The following CD109 variants were observed in gnomAD, a reference collection of about 807,000 sequenced individuals.
CD109 encodes CD109 antigen.
A neutral mutation model predicts 165.8 loss-of-function variants in CD109; 149 were observed. The observed-to-expected ratio is 0.90, with a 90% CI of 0.79 to 1.03. The LOEUF (loss-of-function observed/expected upper bound fraction) is 1.03. CD109 is among the 50% of genes least tolerant of loss of function. The probability of loss-of-function intolerance (pLI) is 0.00; values close to 1 mark genes in which losing one functional copy is unlikely to be tolerated. For missense variants in CD109, 1,712 were observed against 1,677.8 expected (o/e 1.02, Z -0.36); for synonymous variants, 585 against 592.1 (o/e 0.99, Z 0.18).
chr6:73,780,558 C>A, intron 16 of CD109, 60 bp downstream of exon 16: 1 of 1,055,986 alleles, frequency 9.5e-7, no homozygotes. Flanking sequence ...CAAACCCTTT[C>A]AGAATTAGTG....
intron 5 of CD109, among the ~76,000 whole-genome samples, chr6:73,744,927 T>TAGGGAGATCATAGGG (rs1772924579): frequency 6.6e-6 from 1 of 152,178 alleles, no homozygotes; most frequent in Non-Finnish European, 1.5e-5. Flanking sequence ...TAGATGATCT[T>TAGGGAGATCATAGGG]AGAGGTCGCC....
rs774079301 is a variant in CD109, at chr6:73,812,194, C to T, written c.3703-11C>T. 5 of 1,598,510 alleles carry T rather than the reference C, an allele frequency of 3.1e-6. No homozygotes were observed. The highest frequency in any genetic ancestry group is 3.4e-6 in the Non-Finnish European group (4 of 1,169,672). ...AATTAGCCTCATTCACTTTTTTTCACCTTGATTCAGCTTGCTGTGGTACAG... is the reference window on the plus strand; with the variant it reads ...AATTAGCCTCATTCACTTTTTTTCATCTTGATTCAGCTTGCTGTGGTACAG... On this transcript the variant is annotated splice_polypyrimidine_tract_variant and intron_variant, in intron 28 of 32. Coordinates refer to ENST00000287097, the MANE Select transcript of CD109 (RefSeq NM_133493.5).
chr6:73,818,545 A>C lies in CD109; in HGVS notation c.4059+10A>C, dbSNP rs1776014392. On this transcript the variant is annotated intron_variant, in intron 31 of 32. Coordinates refer to ENST00000287097, the MANE Select transcript of CD109 (RefSeq NM_133493.5). ...CCTCTATTTAGATTCTGTAAGTAGT[A>C]AAACATAAGGTAACTGTTGACAAAG... 1.9e-6 allele frequency: 3 copies of C among 1,610,456 alleles called. No homozygotes were observed. Among genetic ancestry groups the C allele is most frequent in the Admixed American group, 1.7e-5 (1 of 59,322 alleles).
chr6:73,766,904 A>G lies in CD109; in HGVS notation c.1434+44A>G, dbSNP rs200945994. The G allele has an allele frequency of 1.9e-5, 30 of 1,608,604 alleles. No individual in the cohort carries two copies. The African/African-American group carries it at 2.5e-4, about 14-fold the overall frequency. On this transcript the variant is annotated intron_variant, in intron 12 of 32. Transcript: ENST00000287097. ...TTGAGAATTACAATATAATTGGACTATCTTGCTTTTGATATGTACATATTA... is the reference window on the plus strand; with the variant it reads ...TTGAGAATTACAATATAATTGGACTGTCTTGCTTTTGATATGTACATATTA...
chr6:73,820,685 C>A, intron 32 of CD109, 122 bp downstream of exon 32: 1 of 533,672 alleles, frequency 1.9e-6, no homozygotes, highest in South Asian at 3.1e-5. Flanking sequence ...GGAGAAAGTA[C>A]AGGAGGCGGG....
chr6:73,754,482 T>C (rs1773309233), intron 5 of CD109, among the ~76,000 whole-genome samples: 1 of 152,122 alleles, frequency 6.6e-6, no homozygotes, highest in South Asian at 2.1e-4. Flanking sequence ...GGACTGGCAA[T>C]GTAGGAGGCA....
At chr6:73,780,726 A>T (rs1774451075) in intron 16 of CD109, among the ~76,000 whole-genome samples, 1 of 126,020 alleles carries the variant, frequency 7.9e-6, no homozygotes, top group Non-Finnish European at 1.7e-5. Flanking sequence ...TAAACAAATA[A>T]TTTTTCCTTT....
chr6:73,823,505 T>C lies in CD109; in HGVS notation c.4210T>C (p.Cys1404Arg), dbSNP rs754335013. Reference sequence around the variant, plus strand: ...CAACTCTGAAGTGAAGCTGTCCTCCTGTGACCTTTGCAGTGATGTCCAGGG... The same window carrying C: ...CAACTCTGAAGTGAAGCTGTCCTCCCGTGACCTTTGCAGTGATGTCCAGGG... ...SYNSEVKLSS[C>R]DLCSDVQGCR... Residue 1404 changes from cysteine (C) to arginine (R), a missense_variant, in exon 33 of 33, where the codon TGT (cysteine) becomes CGT (arginine). Cys to Arg is a radical substitution (Grantham distance 180). Coordinates refer to ENST00000287097, the MANE Select transcript of CD109 (RefSeq NM_133493.5). 14 of 1,613,832 alleles carry C rather than the reference T, an allele frequency of 8.7e-6. No individual in the cohort carries two copies. Among genetic ancestry groups the C allele is most frequent in the South Asian group, 1.1e-5 (1 of 91,056 alleles).
At chr6:73,803,448 C>T (rs1775451564) in intron 24 of CD109, 147 bp downstream of exon 24, 1 of 586,106 alleles carries the variant, frequency 1.7e-6, no homozygotes, top group African/African-American at 2.0e-5. Context: ...AAGAGATTTT[C>T]TTTTTAAAGT....
At chr6:73,752,942 G>A (rs539859721) in intron 5 of CD109, among the ~76,000 whole-genome samples, 2 of 152,240 alleles carry the variant, frequency 1.3e-5, no homozygotes, top group East Asian at 1.9e-4. Flanking sequence ...CGAAAAGACT[G>A]TGTTTTTTTG....
At chr6:73,706,222 A>G (rs149521516) in intron 2 of CD109, among the ~76,000 whole-genome samples, 36 of 152,328 alleles carry the variant, frequency 2.4e-4, no homozygotes, top group Middle Eastern at 6.8e-3. Flanking sequence ...ACCACTTTAT[A>G]GGAAATGGGG....
At chr6:73,810,793 C>G (rs1775727878) in intron 27 of CD109, among the ~76,000 whole-genome samples, 199 bp from the exon 28 acceptor site, 1 of 152,066 alleles carries the variant, frequency 6.6e-6, no homozygotes, top group African/African-American at 2.4e-5. Context: ...GATCTATACA[C>G]TAAAAACTAT....
chr6:73,688,761 G>GTTTTTT, the CD109 span, among the ~76,000 whole-genome samples: 13 of 73,534 alleles, frequency 1.8e-4, 1 homozygote, highest in African/African-American at 2.3e-4. Context: ...GTTTTTCTTT[G>GTTTTTT]TTTTTTTTTT....
chr6:73,729,746 T>G (rs1772288878), intron 3 of CD109, among the ~76,000 whole-genome samples: 1 of 151,998 alleles, frequency 6.6e-6, no homozygotes, highest in Admixed American at 6.6e-5. Context: ...ACTCCTGACC[T>G]CAGGTGATCT....
chr6:73,726,756 TAAGTGAGAGTC>T (rs1772154441), intron 3 of CD109, among the ~76,000 whole-genome samples: 1 of 152,002 alleles, frequency 6.6e-6, no homozygotes, highest in South Asian at 2.1e-4. Context: ...TAGATGTGCC[TAAGTGAGAGTC>T]AACATAGCCA....
chr6:73,796,520 C>T (rs534325120), intron 23 of CD109, among the ~76,000 whole-genome samples: 1 of 152,278 alleles, frequency 6.6e-6, no homozygotes, highest in South Asian at 2.1e-4. Flanking sequence ...CTTCACTTAA[C>T]ATTATTTAAA....
At chr6:73,701,922 A>G (rs1309213606) in intron 2 of CD109, among the ~76,000 whole-genome samples, 2 of 152,204 alleles carry the variant, frequency 1.3e-5, no homozygotes, top group African/African-American at 4.8e-5. Flanking sequence ...CTCAAAAACA[A>G]AAACAAAAGA....
Position 73,697,562 on chromosome 6 carries a change from C to A in CD109, c.237C>A (p.Val79=), listed in dbSNP as rs371717655. The A allele has an allele frequency of 6.2e-7, 1 of 1,612,314 alleles. No homozygotes were observed. Among genetic ancestry groups the A allele is most frequent in the Admixed American group, 1.7e-5 (1 of 59,566 alleles). Residue 79 remains valine (V), a synonymous_variant, in exon 2 of 33, where the codon GTC becomes GTA. Transcript: ENST00000287097. The part of the protein sequence containing the change: ...LTVSVLEAEG[V]FEKGSFKTLT... ...TCTCTGTCCTGGAAGCAGAAGGAGT[C>A]TTTGAAAAAGGTAAGATAAACAGCA...
At chr6:73,731,515 T>C (rs1278377149) in intron 4 of CD109, among the ~76,000 whole-genome samples, 1 of 152,156 alleles carries the variant, frequency 6.6e-6, no homozygotes, top group African/African-American at 2.4e-5. Flanking sequence ...AGGGGACAGG[T>C]GCTAGGACAT....
Sources: allele counts gnomAD v4.1 joint callset (sites outside exome capture counted in the v4.1 genomes callset), GRCh38; gene constraint gnomAD v4.1.1; transcripts MANE v1.5; gene names NCBI Gene and HGNC (gene_info 2026-07-23, HGNC 2026-07-21).